The following MB21D2 variants were observed in gnomAD, a reference collection of about 807,000 sequenced individuals.
MB21D2 encodes nucleotidyltransferase MB21D2.
Under a neutral mutation model 33.3 loss-of-function variants are expected in MB21D2, and 9 were observed. That is an observed-to-expected ratio of 0.27 (90% CI 0.16 to 0.47). The LOEUF (loss-of-function observed/expected upper bound fraction) is 0.47, where lower values mean the gene tolerates loss of function less well. Among genes scored for constraint, MB21D2 ranks in the 20% least tolerant of loss-of-function variants. The probability of loss-of-function intolerance (pLI) is 0.99; values close to 1 mark genes in which losing one functional copy is unlikely to be tolerated. For missense variants in MB21D2, 540 were observed against 624.6 expected (o/e 0.86, Z 1.44); for synonymous variants, 241 against 236.3 (o/e 1.02, Z -0.18).
chr3:192,799,809 C>A lies in MB21D2; in HGVS notation c.212-159G>T, dbSNP rs1226107842. On this transcript the variant is annotated intron_variant, in intron 1 of 1. Coordinates refer to ENST00000392452, the MANE Select transcript of MB21D2 (RefSeq NM_178496.4). This position sits in a 1 kb window ranked among gnomAD's most constrained non-coding sequence, Gnocchi z 4.1. ...GCAGAGACCTGGCCAACAGTACTTT[C>A]TCACTAGTGCTAGAATCCACCCTTT... Among the ~76,000 whole-genome samples, 2 of 152,218 alleles carry A rather than the reference C, an allele frequency of 1.3e-5. No individual in the cohort carries two copies. The highest frequency in any genetic ancestry group is 1.3e-4 in the Admixed American group (2 of 15,284).
At chr3:192,867,931 G>C (rs1256612829) in intron 1 of MB21D2, among the ~76,000 whole-genome samples, 1 of 152,170 alleles carries the variant, frequency 6.6e-6, no homozygotes, top group Non-Finnish European at 1.5e-5. Context: ...AAAAAGGCTG[G>C]GGATGGGGGA....
chr3:192,913,489 C>A (rs1714398422), intron 1 of MB21D2, among the ~76,000 whole-genome samples: 1 of 152,108 alleles, frequency 6.6e-6, no homozygotes, highest in South Asian at 2.1e-4. Flanking sequence ...TCTGACATAA[C>A]AGTTCTGAAA....
At chr3:192,841,173 C>A (rs1240876810) in intron 1 of MB21D2, among the ~76,000 whole-genome samples, 1 of 152,168 alleles carries the variant, frequency 6.6e-6, no homozygotes, top group Non-Finnish European at 1.5e-5. Context: ...GTAAGGGAAC[C>A]ACACAGTCAA....
intron 1 of MB21D2, among the ~76,000 whole-genome samples, chr3:192,837,678 T>G (rs1044616996): frequency 6.6e-6 from 1 of 152,152 alleles, no homozygotes; most frequent in African/African-American, 2.4e-5. Flanking sequence ...CTCAAAAGGT[T>G]TTGCAAAAAA....
At chr3:192,856,591 T>C (rs979777257) in intron 1 of MB21D2, among the ~76,000 whole-genome samples, 2 of 152,194 alleles carry the variant, frequency 1.3e-5, no homozygotes, top group African/African-American at 2.4e-5. Flanking sequence ...TCTTGCTCTG[T>C]CACCCAGGCT....
At chr3:192,826,657 A>T (rs560481315) in intron 1 of MB21D2, among the ~76,000 whole-genome samples, 1 of 152,340 alleles carries the variant, frequency 6.6e-6, no homozygotes, top group Non-Finnish European at 1.5e-5. Context: ...CTGGCCTCTT[A>T]ATCTCAGAAG....
intron 1 of MB21D2, among the ~76,000 whole-genome samples, chr3:192,916,619 C>T (rs1267119482): frequency 6.6e-6 from 1 of 152,244 alleles, no homozygotes; most frequent in Non-Finnish European, 1.5e-5. Context: ...GGCGGAGCCG[C>T]AAGTTACAAC....
chr3:192,910,473 T>C (rs1165127875), intron 1 of MB21D2, among the ~76,000 whole-genome samples: 2 of 152,042 alleles, frequency 1.3e-5, no homozygotes, highest in African/African-American at 2.4e-5. Context: ...GTGAGACCTG[T>C]CATTCATACA....
chr3:192,871,735 C>G (rs73201153), intron 1 of MB21D2, among the ~76,000 whole-genome samples: 1 of 152,058 alleles, frequency 6.6e-6, no homozygotes, highest in Non-Finnish European at 1.5e-5. Context: ...AGAAGCCAAA[C>G]GGCCCTTAAA....
At chr3:192,883,705 T>A (rs1236076196) in intron 1 of MB21D2, among the ~76,000 whole-genome samples, 3 of 152,090 alleles carry the variant, frequency 2.0e-5, no homozygotes, top group South Asian at 4.2e-4. Flanking sequence ...AGCATTCCAG[T>A]CCCAGGAATG....
intron 1 of MB21D2, among the ~76,000 whole-genome samples, chr3:192,879,457 C>A (rs1054855373): frequency 6.6e-6 from 1 of 152,286 alleles, no homozygotes; most frequent in Non-Finnish European, 1.5e-5. Context: ...CTAAAACAAA[C>A]GCCCGCTGGG....
chr3:192,826,347 G>A (rs1285274917), intron 1 of MB21D2, among the ~76,000 whole-genome samples: 1 of 152,206 alleles, frequency 6.6e-6, no homozygotes, highest in East Asian at 1.9e-4. Flanking sequence ...AGTCAGGAAA[G>A]GAAAATTGAG....
chr3:192,859,839 A>G (rs1262804845), intron 1 of MB21D2, among the ~76,000 whole-genome samples: 1 of 152,246 alleles, frequency 6.6e-6, no homozygotes, highest in Non-Finnish European at 1.5e-5. Flanking sequence ...ACAATATGGA[A>G]AAGTATTTAG....
At chr3:192,842,889 A>C (rs552702797) in intron 1 of MB21D2, among the ~76,000 whole-genome samples, 4 of 152,318 alleles carry the variant, frequency 2.6e-5, no homozygotes, top group Non-Finnish European at 5.9e-5. Flanking sequence ...TGGCAGGAAA[A>C]CTGACAAAAG....
intron 1 of MB21D2, among the ~76,000 whole-genome samples, chr3:192,903,007 G>A (rs911996128): frequency 6.6e-5 from 10 of 152,182 alleles, no homozygotes; most frequent in Admixed American, 5.2e-4. Flanking sequence ...AAGCAAACAC[G>A]ACAGACCAAA....
intron 1 of MB21D2, among the ~76,000 whole-genome samples, chr3:192,852,646 T>A (rs2108630119): frequency 6.6e-6 from 1 of 152,334 alleles, no homozygotes; most frequent in African/African-American, 2.4e-5. Flanking sequence ...ACAGGAAATG[T>A]TAAATAATGA....
intron 1 of MB21D2, among the ~76,000 whole-genome samples, chr3:192,896,415 G>A (rs1186388721): frequency 5.7e-5 from 8 of 140,864 alleles, no homozygotes; most frequent in Non-Finnish European, 1.2e-4. Context: ...CCCCTGTTGT[G>A]CAGTCATAGT....
intron 1 of MB21D2, among the ~76,000 whole-genome samples, chr3:192,879,260 C>T (rs1472091943): frequency 6.6e-6 from 1 of 152,176 alleles, no homozygotes; most frequent in African/African-American, 2.4e-5. Context: ...GAAGAGATTC[C>T]GAGGGACCAG....
chr3:192,826,923 GCTCTGTCGC>G (rs1712184969), intron 1 of MB21D2, among the ~76,000 whole-genome samples: 1 of 146,912 alleles, frequency 6.8e-6, no homozygotes, highest in Admixed American at 6.9e-5. Context: ...ATGGAGTCTT[GCTCTGTCGC>G]CCAGACTGGA....
Sources: gnomAD v4.1 joint callset for allele counts (sites outside exome capture counted in the v4.1 genomes callset) on GRCh38, gnomAD v4.1.1 for gene constraint, Gnocchi (gnomAD v3.1) non-coding constraint, MANE v1.5 for transcripts, NCBI Gene and HGNC (gene_info 2026-07-23, HGNC 2026-07-21) for gene names.